The following MVK variants were observed in gnomAD, a reference collection of about 807,000 sequenced individuals.
The protein encoded by MVK is LH receptor mRNA-binding protein.
In MVK, 34 loss-of-function variants were observed where a neutral mutation model predicts 43.2. The observed-to-expected ratio is 0.79, with a 90% confidence interval of 0.60 to 1.05. The LOEUF (loss-of-function observed/expected upper bound fraction) is 1.05, where lower values mean the gene tolerates loss of function less well. Ranked by LOEUF, MVK falls within the 50% of genes least tolerant of loss-of-function variation. The pLI, the probability that MVK is intolerant of heterozygous loss-of-function variation, is 0.00. For missense variants in MVK, 395 were observed against 504.0 expected, an observed-to-expected ratio of 0.78 and a Z score of 2.07; for synonymous variants, 190 against 219.8, an observed-to-expected ratio of 0.86 and a Z score of 1.20.
In MVK at chr12:109,582,520, T is replaced by C. The variant is rs545149918; in HGVS notation, c.527+970T>C. 2.0e-5 allele frequency among the ~76,000 whole-genome samples: 3 copies of C among 152,160 alleles called. No homozygotes were observed. The South Asian group carries it at 6.2e-4, about 32-fold the overall frequency. On this transcript the variant is annotated intron_variant, in intron 5 of 10. Coordinates refer to ENST00000228510, the MANE Select transcript of MVK (RefSeq NM_000431.4). The stretch of plus-strand genomic sequence containing the variant: ...GTGTGTGCACTTGCATGTGTGTGTG[T>C]TCTTATGCTGCTTCTAACCATTTCT...
Position 109,581,380 on chromosome 12 carries a change from C to T in MVK, c.372-15C>T. On this transcript the variant is annotated splice_polypyrimidine_tract_variant and intron_variant, in intron 4 of 10. Transcript: ENST00000228510. ...CCTGCGGGAGAGTCACGTTTCACAC[C>T]CTGGTGTGTTTCAGGGCCCTGCCGA... 2 of 1,613,420 alleles carry T rather than the reference C, an allele frequency of 1.2e-6. No individual in the cohort carries two copies. The highest frequency in any genetic ancestry group is 1.7e-5 in the Admixed American group (1 of 60,024).
rs104895336 is a variant in MVK, at chr12:109,581,417, G to A, written c.394G>A (p.Val132Ile). The change falls in exon 5 of 11, where the codon GTA (valine) becomes ATA (isoleucine). Residue 132 changes from valine (V) to isoleucine (I), a missense_variant. Physicochemically the swap from Val to Ile is conservative, Grantham distance 29. Coordinates refer to ENST00000228510, the MANE Select transcript of MVK (RefSeq NM_000431.4). Reference protein sequence around the residue: ...KQRALPSLDIVVWSELPPGAG... With the variant: ...KQRALPSLDIIVWSELPPGAG... ...CAGGGCCCTGCCGAGCCTGGATATC[G>A]TAGTGTGGTCGGAGCTGCCCCCCGG... 39 of 1,613,972 alleles carry A rather than the reference G, an allele frequency of 2.4e-5. No homozygotes were observed. In the Middle Eastern group the frequency reaches 6.6e-4, roughly 27 times the overall value.
chr12:109,597,921 G>C lies in MVK; in HGVS notation c.*1344G>C, dbSNP rs575789613. On this transcript the variant is annotated 3_prime_UTR_variant, in exon 11 of 11. Transcript: ENST00000228510. ...TTCCCTGCTGTTGTCTTCCTGCAGG[G>C]TGAGAGGAGCAGGAGCCGAGCTCCA... The C allele has an allele frequency of 6.6e-6, 1 of 152,334 alleles. No individual in the cohort carries two copies. Among genetic ancestry groups the C allele is most frequent in the African/African-American group, 2.4e-5 (1 of 41,560 alleles). The allele number at this position is 152,334 out of a possible 1,614,324, so 9.4% of individuals were successfully genotyped here.
chr12:109,596,783 C>G lies in MVK; in HGVS notation c.*206C>G. The G allele has an allele frequency of 1.4e-6, 1 of 735,382 alleles. No individual in the cohort carries two copies. The highest frequency in any genetic ancestry group is 1.8e-5 in the South Asian group (1 of 56,560). 45.6% of individuals were successfully genotyped at this position (735,382 alleles called of 1,614,324 possible). ...GTCTGCCCTCTGCATCCTCTGGAGC[C>G]AGCCGAGCAGGAGGCCTAGGAGGGT... is the stretch of plus-strand genomic sequence containing the variant. On this transcript the variant is annotated 3_prime_UTR_variant, in exon 11 of 11. Coordinates refer to ENST00000228510, the MANE Select transcript of MVK (RefSeq NM_000431.4).
chr12:109,589,042 C>G (rs571978283), intron 7 of MVK: 1 of 152,470 alleles, frequency 6.6e-6, no homozygotes. Flanking sequence ...CTGAGACGAG[C>G]ACGCTGCCTG....
At chr12:109,591,185 G>C (rs2136245755) in intron 8 of MVK, 56 bp from the exon 9 acceptor site, 5 of 1,525,004 alleles carry the variant, frequency 3.3e-6, no homozygotes, top group African/African-American at 2.7e-5. Flanking sequence ...TGGGGCAGCT[G>C]TCCTGCATCT....
chr12:109,574,478 TC>T (rs1316390227), intron 1 of MVK, among the ~76,000 whole-genome samples: 1 of 152,228 alleles, frequency 6.6e-6, no homozygotes, highest in Admixed American at 6.5e-5. Flanking sequence ...GCCAAGTGTT[TC>T]CCTTGCGTTA....
intron 9 of MVK, 98 bp from the exon 10 acceptor site, chr12:109,594,930 G>T: frequency 6.6e-7 from 1 of 1,518,342 alleles, no homozygotes; most frequent in East Asian, 2.3e-5. Flanking sequence ...GCTGTCTCCA[G>T]CCAACAACTG....
intron 9 of MVK, among the ~76,000 whole-genome samples, chr12:109,594,818 A>G (rs1414167649): frequency 6.6e-6 from 1 of 152,226 alleles, no homozygotes; most frequent in Admixed American, 6.5e-5. Flanking sequence ...GCTGTGGTGA[A>G]GGTATGCTCA....
chr12:109,594,683 T>C (rs1885836556), intron 9 of MVK, among the ~76,000 whole-genome samples: 2 of 152,168 alleles, frequency 1.3e-5, no homozygotes, highest in East Asian at 1.9e-4. Context: ...TTAGCAGCTC[T>C]AGTGGGAAGG....
chr12:109,578,729 T>G (rs1312084668), intron 3 of MVK, among the ~76,000 whole-genome samples: 2 of 152,166 alleles, frequency 1.3e-5, no homozygotes, highest in Non-Finnish European at 2.9e-5. Flanking sequence ...TCAACACACA[T>G]TTACCCAGTA....
chr12:109,584,513 T>G (rs185877664), intron 5 of MVK, among the ~76,000 whole-genome samples: 3 of 152,268 alleles, frequency 2.0e-5, no homozygotes, highest in East Asian at 3.9e-4. Context: ...ATCCCTGTTT[T>G]ATGGATGAGA....
chr12:109,585,827 C>T (rs976520254), intron 5 of MVK, among the ~76,000 whole-genome samples, 195 bp from the exon 6 acceptor site: 5 of 152,192 alleles, frequency 3.3e-5, no homozygotes, highest in Admixed American at 1.3e-4. Flanking sequence ...GTTTTGACTG[C>T]GCCAGGTGGG....
intron 3 of MVK, chr12:109,579,136 A>ATTT: frequency 2.6e-6 from 1 of 384,502 alleles, no homozygotes; most frequent in Admixed American, 3.2e-5. Flanking sequence ...TTAAGACTAC[A>ATTT]ATTTTTTTTT....
In MVK at chr12:109,586,779, G is replaced by C. The variant is rs1885453672; in HGVS notation, c.657G>C (p.Gly219=). ...GAGGAGCCCTCCGATACCATCAAGG[G>C]AAGATTTCATCCTTAAAGAGGTAAC... ...TWGGALRYHQ[G]KISSLKRSPA... Residue 219 remains glycine, a synonymous_variant, in exon 7 of 11, where the codon GGG becomes GGC. Coordinates refer to ENST00000228510, the MANE Select transcript of MVK (RefSeq NM_000431.4). 6.2e-7 allele frequency: 1 copy of C among 1,614,086 alleles called. No individual in the cohort carries two copies. Among genetic ancestry groups the C allele is most frequent in the African/African-American group, 1.3e-5 (1 of 74,936 alleles).
At chr12:109,591,977 GGC>G (rs1200168699) in intron 9 of MVK, among the ~76,000 whole-genome samples, 2 of 152,178 alleles carry the variant, frequency 1.3e-5, no homozygotes, top group Non-Finnish European at 2.9e-5. Flanking sequence ...CGGGCGCAGT[GGC>G]TCACCTGTAG....
chr12:109,582,704 A>G (rs1885272686), intron 5 of MVK, among the ~76,000 whole-genome samples: 1 of 142,724 alleles, frequency 7.0e-6, no homozygotes, highest in Non-Finnish European at 1.5e-5. Context: ...TGAGCCCCCT[A>G]AAAAACAAAC....
At chr12:109,586,667 A>C in intron 6 of MVK, 87 bp from the exon 7 acceptor site, 3 of 1,486,962 alleles carry the variant, frequency 2.0e-6, no homozygotes, top group Non-Finnish European at 1.9e-6. Context: ...GGCAAAATGA[A>C]CCCAACCCAA....
rs769000203 is a variant in MVK at position 109,576,008 on chromosome 12, C to T, written c.89C>T (p.Ala30Val). Residue 30 changes from alanine to valine, a missense_variant, in exon 3 of 11, where the codon GCT (alanine) becomes GTT (valine). Transcript: ENST00000228510. ...HAVVHGKVALAVSLNLRTFLR... is the reference protein window; with the variant it reads ...HAVVHGKVALVVSLNLRTFLR... ...TCATTTATTCTATAGGTAGCACTGG[C>T]TGTATCCTTGAACTTGAGAACATTC... is the stretch of plus-strand genomic sequence containing the variant. 4 of 1,614,088 alleles carry T rather than the reference C, an allele frequency of 2.5e-6. No homozygotes were observed. In the South Asian group the frequency reaches 3.3e-5, roughly 13 times the overall value.
Sources: gnomAD v4.1 joint callset for allele counts (sites outside exome capture counted in the v4.1 genomes callset) on GRCh38, gnomAD v4.1.1 for gene constraint, MANE v1.5 for transcripts, NCBI Gene and HGNC (gene_info 2026-07-23, HGNC 2026-07-21) for gene names.